The following GPR137B variants were observed in gnomAD, a reference collection of about 807,000 sequenced individuals.
The protein encoded by GPR137B is G protein-coupled receptor 137B.
In GPR137B, 42 loss-of-function variants were observed where a neutral mutation model predicts 42.5. That is an observed-to-expected ratio of 0.99 (90% CI 0.77 to 1.28). The LOEUF is 1.28. GPR137B is among the 50% of genes most tolerant of loss of function. The pLI, the probability that GPR137B is intolerant of heterozygous loss-of-function variation, is 0.00. For missense variants in GPR137B, 487 were observed against 493.9 expected (o/e 0.99, Z 0.13); for synonymous variants, 218 against 209.7 (o/e 1.04, Z -0.34).
At chr1:236,204,862 T>G (rs890097232) in intron 5 of GPR137B, among the ~76,000 whole-genome samples, 5 of 152,208 alleles carry the variant, frequency 3.3e-5, no homozygotes, top group Admixed American at 6.5e-5. Context: ...ACTCATCATC[T>G]AGCTTTTCAA....
Position 236,142,609 on chromosome 1 carries a change from G to A in GPR137B, c.-14G>A. The A allele has an allele frequency of 7.7e-7, 1 of 1,306,380 alleles. No homozygotes were observed. The highest frequency in any genetic ancestry group is 9.7e-7 in the Non-Finnish European group (1 of 1,035,660). The allele number at this position is 1,306,380 out of a possible 1,614,324, so 80.9% of individuals were successfully genotyped here. A position where few individuals can be genotyped will look rare whatever the true frequency, so the allele number is the denominator to read the frequency against. On this transcript the variant is annotated 5_prime_UTR_variant, in exon 1 of 7. Transcript: ENST00000366592. ...CGGAGACCCCCGCGGGGGCGGCGGC[G>A]GCCGTGAGCCCCGATGAGGCCCGAG...
chr1:236,158,294 A>C (rs529875729), intron 1 of GPR137B, among the ~76,000 whole-genome samples: 1 of 152,258 alleles, frequency 6.6e-6, no homozygotes, highest in South Asian at 2.1e-4. Context: ...GTGTGGTTGC[A>C]CGTGCCTATA....
chr1:236,205,440 A>T (rs1158075478), intron 6 of GPR137B, among the ~76,000 whole-genome samples, 190 bp downstream of exon 6: 2 of 152,224 alleles, frequency 1.3e-5, no homozygotes, highest in African/African-American at 4.8e-5. Flanking sequence ...CGGTTTTTTT[A>T]AAGCCCCATA....
At chr1:236,206,738 C>T (rs1217969804) in intron 6 of GPR137B, among the ~76,000 whole-genome samples, 4 of 152,176 alleles carry the variant, frequency 2.6e-5, no homozygotes, top group African/African-American at 4.8e-5. Flanking sequence ...TTGGGATTCC[C>T]TTCCCTTTTC....
At chr1:236,191,158 C>T (rs10754507) in intron 5 of GPR137B, among the ~76,000 whole-genome samples, 50,451 of 151,828 alleles carry the variant, frequency 0.33, 8,971 homozygotes, top group East Asian at 0.61. Context: ...GTATGCTTCA[C>T]GAAGTTCTTG....
At chr1:236,169,486 ACT>A (rs1447201277) in intron 2 of GPR137B, among the ~76,000 whole-genome samples, 19 of 152,202 alleles carry the variant, frequency 1.2e-4, no homozygotes, top group Admixed American at 1.2e-3. Context: ...AGAAGTGGAC[ACT>A]CTATATTTGT....
rs750027184 is a variant in GPR137B, at chr1:236,205,190, G to T, written c.1031G>T (p.Arg344Leu). 6.2e-7 allele frequency: 1 copy of T among 1,612,336 alleles called. No homozygotes were observed. Among genetic ancestry groups the T allele is most frequent in the Admixed American group, 1.7e-5 (1 of 60,018 alleles). ...SPRSYFFDNP[R>L]RYDSDDDLAW... ...AGATCTTATTTCTTTGACAACCCTCGAAGATATGACAGTGATGATGACCTT... is the reference window on the plus strand; with the variant it reads ...AGATCTTATTTCTTTGACAACCCTCTAAGATATGACAGTGATGATGACCTT... The change falls in exon 6 of 7, where the codon CGA becomes CTA. Residue 344 changes from arginine to leucine, a missense_variant. By Grantham distance (102) the Arg-to-Leu change is moderately radical. Coordinates refer to ENST00000366592, the MANE Select transcript of GPR137B (RefSeq NM_003272.4).
At chr1:236,183,937 A>T (rs756492935) in intron 5 of GPR137B, 31 bp downstream of exon 5, 1 of 1,519,670 alleles carries the variant, frequency 6.6e-7, no homozygotes, top group Non-Finnish European at 9.1e-7. Context: ...TTGTAAGAAA[A>T]TGTCTCCTAA....
chr1:236,197,973 G>A (rs1572007171), intron 5 of GPR137B, among the ~76,000 whole-genome samples: 2 of 151,958 alleles, frequency 1.3e-5, no homozygotes, highest in Non-Finnish European at 1.5e-5. Context: ...CACCCGCCTC[G>A]GCCTCCCAAA....
At chr1:236,205,563 A>AGGG (rs1419960828) in intron 6 of GPR137B, among the ~76,000 whole-genome samples, 1 of 152,192 alleles carries the variant, frequency 6.6e-6, no homozygotes, top group East Asian at 1.9e-4. Flanking sequence ...TCTTGGAGAT[A>AGGG]GGGTCTCACT....
chr1:236,175,876 AT>A (rs1662671865), intron 2 of GPR137B, among the ~76,000 whole-genome samples: 1 of 152,136 alleles, frequency 6.6e-6, no homozygotes, highest in East Asian at 1.9e-4. Context: ...TTGCATGCAA[AT>A]TTCAGTTTCC....
chr1:236,163,421 A>G (rs565085539), intron 1 of GPR137B, among the ~76,000 whole-genome samples: 2 of 152,242 alleles, frequency 1.3e-5, no homozygotes, highest in African/African-American at 4.8e-5. Flanking sequence ...TTGGGAAGGC[A>G]TGATTGGTTT....
At chr1:236,144,751 G>A (rs748075758) in intron 1 of GPR137B, among the ~76,000 whole-genome samples, 2 of 152,242 alleles carry the variant, frequency 1.3e-5, no homozygotes, top group Non-Finnish European at 2.9e-5. Flanking sequence ...AAAGACAGGT[G>A]AGGTGATGTT....
rs1252199432 is a variant in GPR137B at position 236,145,186 on chromosome 1, CTG to C, written c.414+2153_414+2154del. Among the ~76,000 whole-genome samples the C allele has an allele frequency of 4.6e-5, 7 of 152,340 alleles. No homozygotes were observed. The East Asian group carries it at 1.3e-3, about 29-fold the overall frequency. On this transcript the variant is annotated intron_variant, in intron 1 of 6. Coordinates refer to ENST00000366592, the MANE Select transcript of GPR137B (RefSeq NM_003272.4). ...AGCCATTTCTGGCTTAGTGACAAAA[CTG>C]TGATACTTCTGGGGAGTTATAAAGC...
In GPR137B at chr1:236,198,841, T is replaced by C. The variant is rs574412300; in HGVS notation, c.967-6285T>C. Among the ~76,000 whole-genome samples, 37 of 152,324 alleles carry C rather than the reference T, an allele frequency of 2.4e-4. No individual in the cohort carries two copies. The South Asian group carries it at 7.7e-3, about 32-fold the overall frequency. On this transcript the variant is annotated intron_variant, in intron 5 of 6. Transcript: ENST00000366592. ...GTTTTCTAGGTATGCGATTATGTCA[T>C]TGGTGAACAGTGACAGTTTGACTTA...
chr1:236,144,278 G>A (rs1273918170), intron 1 of GPR137B, among the ~76,000 whole-genome samples: 1 of 152,096 alleles, frequency 6.6e-6, no homozygotes, highest in Non-Finnish European at 1.5e-5. Flanking sequence ...AGCTGGGTGT[G>A]GTAGTGCCCG....
rs1661978788 is a variant in GPR137B, at chr1:236,155,039, C to CCTTG, written c.414+12004_414+12007dup. On this transcript the variant is annotated intron_variant, in intron 1 of 6. Transcript: ENST00000366592. The surrounding 1 kb of genome is among the most constrained non-coding windows in gnomAD (Gnocchi z 4.6). ...TGGTAGGGCCTTGTGTGGCCACAGCCCTTGTCATTCCCAAGGCCAAAGAGA... is the reference window on the plus strand; with the variant it reads ...TGGTAGGGCCTTGTGTGGCCACAGCCCTTGCTTGTCATTCCCAAGGCCAAAGAGA... Among the ~76,000 whole-genome samples, 1 of 152,222 alleles carries CCTTG rather than the reference C, an allele frequency of 6.6e-6. No individual in the cohort carries two copies. The highest frequency in any genetic ancestry group is 2.4e-5 in the African/African-American group (1 of 41,464).
At chr1:236,166,706 C>G (rs538050910) in intron 1 of GPR137B, among the ~76,000 whole-genome samples, 1 of 151,840 alleles carries the variant, frequency 6.6e-6, no homozygotes, top group African/African-American at 2.4e-5. Flanking sequence ...TAGGAATGGC[C>G]GGGCACAGTG....
intron 5 of GPR137B, among the ~76,000 whole-genome samples, chr1:236,203,306 T>TGACCTCATGATCTGCC (rs1437802313): frequency 1.3e-5 from 2 of 152,146 alleles, no homozygotes; most frequent in African/African-American, 4.8e-5. Context: ...CTTGATCTCC[T>TGACCTCATGATCTGCC]GACCTCATGA....
Sources: gnomAD v4.1 joint callset for allele counts (sites outside exome capture counted in the v4.1 genomes callset) on GRCh38, gnomAD v4.1.1 for gene constraint, Gnocchi (gnomAD v3.1) non-coding constraint, MANE v1.5 for transcripts, NCBI Gene and HGNC (gene_info 2026-07-23, HGNC 2026-07-21) for gene names.